HS3ST5: variants seen among roughly 807,000 people sequenced by gnomAD.
The protein encoded by HS3ST5 is heparan sulfate-glucosamine 3-sulfotransferase 5, also known as heparan sulfate glucosamine 3-O-sulfotransferase 5.
In HS3ST5, 10 loss-of-function variants were observed where a neutral mutation model predicts 25.4. That is an observed-to-expected ratio of 0.39 (90% CI 0.24 to 0.67). HS3ST5 has a LOEUF of 0.67. HS3ST5 is among the 30% of genes least tolerant of loss of function. The pLI is 0.44. For synonymous variants in HS3ST5, 170 were observed against 162.4 expected, an observed-to-expected ratio of 1.05 and a Z score of -0.36; for missense variants, 324 against 420.7, an observed-to-expected ratio of 0.77 and a Z score of 2.01.
intron 2 of HS3ST5, among the ~76,000 whole-genome samples, chr6:114,203,321 T>C (rs981293433): frequency 5.9e-5 from 9 of 152,166 alleles, no homozygotes; most frequent in Non-Finnish European, 1.2e-4. Context: ...AACACAAAGA[T>C]GGTAACAGTT....
At chr6:114,081,513 T>C (rs2114764146) in intron 3 of HS3ST5, among the ~76,000 whole-genome samples, 1 of 152,340 alleles carries the variant, frequency 6.6e-6, no homozygotes, top group African/African-American at 2.4e-5. Context: ...CTTACAGTTG[T>C]TAATAGTCTT....
At chr6:114,061,602 G>A (rs923437429) in intron 4 of HS3ST5, among the ~76,000 whole-genome samples, 1 of 152,230 alleles carries the variant, frequency 6.6e-6, no homozygotes, top group Non-Finnish European at 1.5e-5. Flanking sequence ...TTCACTGACT[G>A]TGAGAACTGA....
chr6:114,313,383 C>T (rs1265440563), intron 1 of HS3ST5, among the ~76,000 whole-genome samples: 1 of 152,102 alleles, frequency 6.6e-6, no homozygotes, highest in Admixed American at 6.5e-5. Context: ...AAGATCTGTA[C>T]AAGAATATTC....
intron 3 of HS3ST5, among the ~76,000 whole-genome samples, chr6:114,160,989 T>C (rs1395668917): frequency 6.6e-6 from 1 of 152,176 alleles, no homozygotes; most frequent in Non-Finnish European, 1.5e-5. Context: ...CTCCAGATAA[T>C]TGGAAAGGAC....
chr6:114,158,597 G>A (rs1278469861), intron 3 of HS3ST5, among the ~76,000 whole-genome samples: 2 of 152,214 alleles, frequency 1.3e-5, no homozygotes, highest in Non-Finnish European at 2.9e-5. Flanking sequence ...GCAAAAGTCA[G>A]TTGGCAGAGC....
intron 1 of HS3ST5, among the ~76,000 whole-genome samples, chr6:114,317,948 A>C (rs72956272): frequency 0.052 from 7,910 of 152,246 alleles, 288 homozygotes; most frequent in Non-Finnish European, 0.079. Flanking sequence ...CATCACTGTT[A>C]ATTCAAATAC....
rs1772835467 is a variant in HS3ST5, at chr6:114,057,505, C to G, written c.793G>C (p.Glu265Gln). 1.2e-6 allele frequency: 2 copies of G among 1,614,180 alleles called. No individual in the cohort carries two copies. Among genetic ancestry groups the G allele is most frequent in the African/African-American group, 1.3e-5 (1 of 75,034 alleles). Residue 265 changes from glutamate to glutamine, a missense_variant, in exon 5 of 5, where the codon GAA becomes CAA. Transcript: ENST00000312719. The stretch of plus-strand genomic sequence containing the variant: ...AGGAACTTCTCCACGAGCTGAAGTT[C>G]TGGCAGAGGTTCCGTGATGAGGCGA... ...GDRLITEPLPELQLVEKFLNL... is the reference protein window; with the variant it reads ...GDRLITEPLPQLQLVEKFLNL...
intron 1 of HS3ST5, among the ~76,000 whole-genome samples, chr6:114,249,414 G>A (rs1403138582): frequency 6.6e-6 from 1 of 152,174 alleles, no homozygotes; most frequent in Non-Finnish European, 1.5e-5. Context: ...AGAGAGAATA[G>A]AACCCCTTGG....
chr6:114,315,612 T>A (rs1775715133), intron 1 of HS3ST5, among the ~76,000 whole-genome samples: 1 of 152,214 alleles, frequency 6.6e-6, no homozygotes, highest in South Asian at 2.1e-4. Flanking sequence ...TGACTGATGT[T>A]TTGTGACTTA....
chr6:114,151,921 A>G (rs1778467099), intron 3 of HS3ST5, among the ~76,000 whole-genome samples: 1 of 152,012 alleles, frequency 6.6e-6, no homozygotes, highest in Admixed American at 6.6e-5. Context: ...TTTCAAAATT[A>G]TGTTTATTTT....
intron 1 of HS3ST5, among the ~76,000 whole-genome samples, chr6:114,326,048 T>G (rs753004117): frequency 1.1e-4 from 17 of 151,500 alleles, no homozygotes; most frequent in Non-Finnish European, 2.2e-4. Flanking sequence ...ATGCAATAAT[T>G]TACTTTCTCA....
chr6:114,211,157 T>C (rs1214685115), intron 2 of HS3ST5, among the ~76,000 whole-genome samples: 2 of 152,262 alleles, frequency 1.3e-5, no homozygotes, highest in Admixed American at 6.5e-5. Flanking sequence ...TATGAGCTTT[T>C]AGGCAATTAC....
chr6:114,079,387 C>T (rs1774324156), intron 3 of HS3ST5, among the ~76,000 whole-genome samples: 1 of 152,222 alleles, frequency 6.6e-6, no homozygotes, highest in South Asian at 2.1e-4. Flanking sequence ...ACAGCATCCT[C>T]ACCAGGAGTA....
At chr6:114,278,029 C>T (rs1442286244) in intron 1 of HS3ST5, among the ~76,000 whole-genome samples, 2 of 151,998 alleles carry the variant, frequency 1.3e-5, no homozygotes, top group East Asian at 3.9e-4. Context: ...CTGCGATGGG[C>T]TTTGAGGGGG....
chr6:114,090,124 G>A (rs928748832), intron 3 of HS3ST5, among the ~76,000 whole-genome samples: 1 of 152,156 alleles, frequency 6.6e-6, no homozygotes, highest in African/African-American at 2.4e-5. Context: ...TTTAATGGAA[G>A]GCGAAAATAA....
At chr6:114,186,580 G>T (rs994936289) in intron 2 of HS3ST5, among the ~76,000 whole-genome samples, 1 of 152,120 alleles carries the variant, frequency 6.6e-6, no homozygotes, top group African/African-American at 2.4e-5. Flanking sequence ...AAAACAGAAG[G>T]TCTCTCCATA....
At chr6:114,064,610 G>A (rs938159092) in intron 3 of HS3ST5, among the ~76,000 whole-genome samples, 85 of 152,336 alleles carry the variant, frequency 5.6e-4, no homozygotes, top group African/African-American at 2.0e-3. Flanking sequence ...CATGTCTTAT[G>A]TGCTAGATTC....
chr6:114,266,965 A>G (rs547243363), intron 1 of HS3ST5, among the ~76,000 whole-genome samples: 1 of 152,308 alleles, frequency 6.6e-6, no homozygotes, highest in East Asian at 1.9e-4. Flanking sequence ...GTCTGCAGAG[A>G]ACACTTGGCT....
chr6:114,211,277 G>A (rs6936339), intron 2 of HS3ST5, among the ~76,000 whole-genome samples: 2,584 of 152,084 alleles, frequency 0.017, 37 homozygotes, highest in African/African-American at 0.04. Context: ...TTTTTAATTG[G>A]AGAATGGGAC....
Sources: gnomAD v4.1 joint callset for allele counts (sites outside exome capture counted in the v4.1 genomes callset) on GRCh38, gnomAD v4.1.1 for gene constraint, MANE v1.5 for transcripts, NCBI Gene and HGNC (gene_info 2026-07-23, HGNC 2026-07-21) for gene names.